Variants in UNC45A observed in about 807,000 individuals in gnomAD.
UNC45A encodes unc-45 myosin chaperone A.
UNC45A carries 78 observed loss-of-function variants against 103.2 expected under a neutral mutation model. The observed-to-expected ratio is 0.76, with a 90% CI of 0.63 to 0.91. The LOEUF (loss-of-function observed/expected upper bound fraction) is 0.91. Among genes scored for constraint, UNC45A ranks in the 40% least tolerant of loss-of-function variants. UNC45A has a pLI of 0.00. For synonymous variants in UNC45A, 495 were observed against 504.6 expected, an observed-to-expected ratio of 0.98 and a Z score of 0.25; for missense variants, 1,193 against 1,224.8, an observed-to-expected ratio of 0.97 and a Z score of 0.39.
Position 90,942,432 on chromosome 15 carries a change from C to T in UNC45A, c.688-5C>T, listed in dbSNP as rs2036339314. 2 of 1,604,824 alleles carry T rather than the reference C, an allele frequency of 1.2e-6. No individual in the cohort carries two copies. Among genetic ancestry groups the T allele is most frequent in the Non-Finnish European group, 1.7e-6 (2 of 1,174,372 alleles). The stretch of plus-strand genomic sequence containing the variant: ...GCTTCCTTCTGTTTACCTCTCCCAC[C>T]CCAGACAGTGGCAACCCTGAGCATA... On this transcript the variant is annotated splice_region_variant and splice_polypyrimidine_tract_variant and intron_variant, in intron 6 of 19. Coordinates refer to ENST00000418476, the MANE Select transcript of UNC45A (RefSeq NM_018671.5).
rs879015711 is a variant in UNC45A, at chr15:90,953,191, C to G, written c.2458C>G (p.Leu820Val). Residue 820 changes from leucine (L) to valine (V), a missense_variant, in exon 19 of 20, where the codon CTG becomes GTG. Coordinates refer to ENST00000418476, the MANE Select transcript of UNC45A (RefSeq NM_018671.5). ...DLFEAQGNDRLKLLVLYSGED... is the reference protein window; with the variant it reads ...DLFEAQGNDRVKLLVLYSGED... ...CTTCGAAGCCCAGGGCAATGACCGA[C>G]TGAAGCTGCTGGTGCTGTACAGTGG... 2 of 1,613,910 alleles carry G rather than the reference C, an allele frequency of 1.2e-6. No homozygotes were observed. Among genetic ancestry groups the G allele is most frequent in the South Asian group, 2.2e-5 (2 of 91,054 alleles).
chr15:90,932,063 C>G, upstream of UNC45A: 1 of 1,612,574 alleles, frequency 6.2e-7, no homozygotes. Flanking sequence ...ACCTGTAACA[C>G]CACAATGTCA....
rs1160165327 is a variant in UNC45A at position 90,946,733 on chromosome 15, A to C, written c.1319A>C (p.Glu440Ala). Reference sequence around the variant, plus strand: ...GCCTTGGAGCTGAGCGGTGTCATGGAGAGTGTGATTGCTCTGTGTGCCTCT... The same window carrying C: ...GCCTTGGAGCTGAGCGGTGTCATGGCGAGTGTGATTGCTCTGTGTGCCTCT... ...NRALELSGVM[E>A]SVIALCASEQ... Residue 440 changes from glutamate to alanine, a missense_variant, in exon 10 of 20, where the codon GAG (glutamate) becomes GCG (alanine). Glu to Ala is a moderately radical substitution (Grantham distance 107, BLOSUM62 -1). Coordinates refer to ENST00000418476, the MANE Select transcript of UNC45A (RefSeq NM_018671.5). The C allele has an allele frequency of 6.2e-7, 1 of 1,613,714 alleles. No homozygotes were observed. The highest frequency in any genetic ancestry group is 8.5e-7 in the Non-Finnish European group (1 of 1,180,016).
chr15:90,953,513 C>A lies in UNC45A; in HGVS notation c.2632C>A (p.Leu878Met). 1 of 1,614,138 alleles carries A rather than the reference C, an allele frequency of 6.2e-7. No homozygotes were observed. The highest frequency in any genetic ancestry group is 1.7e-4 in the Middle Eastern group (1 of 6,056). ...CCTGCTTCTGAGCTCCAACCAGGAG[C>A]TGCAGCACCGGGGTGCTGTGGTGGT... is the stretch of plus-strand genomic sequence containing the variant. ...QALLLSSNQE[L>M]QHRGAVVVLN... Residue 878 changes from leucine (L) to methionine (M), a missense_variant, in exon 20 of 20, where the codon CTG becomes ATG. Leu to Met is a conservative substitution (Grantham distance 15). Coordinates refer to ENST00000418476, the MANE Select transcript of UNC45A (RefSeq NM_018671.5).
chr15:90,935,504 C>G, intron 1 of UNC45A, 40 bp from the exon 2 acceptor site: 1 of 1,576,678 alleles, frequency 6.3e-7, no homozygotes, highest in Non-Finnish European at 8.6e-7. Context: ...GGCTCTGCCC[C>G]GAACCCCCTC....
chr15:90,932,421 G>T, upstream of UNC45A: 1 of 1,339,392 alleles, frequency 7.5e-7, no homozygotes. Context: ...CGCGGCCGAC[G>T]CGCCCACCGA....
intron 4 of UNC45A, 69 bp downstream of exon 4, chr15:90,936,529 C>T (rs1271392317): frequency 6.5e-6 from 10 of 1,531,054 alleles, no homozygotes; most frequent in Middle Eastern, 1.8e-4. Context: ...GGGGTGTAGA[C>T]ACAGTTCTCC....
At chr15:90,950,723 G>A (rs2036860130) in intron 17 of UNC45A, 108 bp downstream of exon 17, 1 of 1,117,424 alleles carries the variant, frequency 8.9e-7, no homozygotes, top group South Asian at 1.4e-5. Context: ...GCTTCTGTGA[G>A]CCTCACAGTG....
At chr15:90,932,503 T>C, upstream of UNC45A, 2 of 1,306,480 alleles carry the variant, frequency 1.5e-6, no homozygotes, top group Non-Finnish European at 1.9e-6. Flanking sequence ...AGCCGCGAAG[T>C]CGGCAGCCTC....
upstream of UNC45A, chr15:90,932,660 GC>G: frequency 1.9e-6 from 1 of 534,942 alleles, no homozygotes; most frequent in Non-Finnish European, 2.9e-6. Context: ...AGTTGGGCCT[GC>G]CCCAGATGAA....
intron 4 of UNC45A, among the ~76,000 whole-genome samples, chr15:90,938,268 A>G (rs1254530361): frequency 6.6e-6 from 1 of 152,154 alleles, no homozygotes; most frequent in African/African-American, 2.4e-5. Flanking sequence ...TAAAATACGT[A>G]TATTTTTAAA....
At chr15:90,949,216 G>A in intron 13 of UNC45A, 100 bp from the exon 14 acceptor site, 1 of 1,487,138 alleles carries the variant, frequency 6.7e-7, no homozygotes, top group Non-Finnish European at 9.0e-7. Context: ...CTTTTGTCTG[G>A]CTGTTTTATT....
At chr15:90,947,661 G>A (rs762535457) in intron 10 of UNC45A, 135 bp from the exon 11 acceptor site, 10 of 642,606 alleles carry the variant, frequency 1.6e-5, no homozygotes, top group Non-Finnish European at 2.8e-5. Context: ...TCTGGAGGGA[G>A]AGGGTGCTGA....
chr15:90,947,284 G>A lies in UNC45A; in HGVS notation c.1500+370G>A, dbSNP rs77445876. The A allele has an allele frequency of 6.8e-3, 1,916 of 282,032 alleles. 41 individuals are homozygous for A. The highest frequency in any genetic ancestry group is 0.035 in the African/African-American group (1,659 of 46,844). 17.5% of individuals were successfully genotyped at this position (282,032 alleles called of 1,614,324 possible). A position where few individuals can be genotyped will look rare whatever the true frequency, so the allele number is the denominator to read the frequency against. Reference sequence around the variant, plus strand: ...TGGGGCTTAAGACTGGGCCTGCAGGGGTCATGCAGTGTTCCTGGGAGCTGG... The same window carrying A: ...TGGGGCTTAAGACTGGGCCTGCAGGAGTCATGCAGTGTTCCTGGGAGCTGG... On this transcript the variant is annotated intron_variant, in intron 10 of 19. Transcript: ENST00000418476.
intron 9 of UNC45A, among the ~76,000 whole-genome samples, chr15:90,945,530 T>A (rs1424891080): frequency 6.6e-6 from 1 of 152,032 alleles, no homozygotes. Context: ...CCCAGCTAAT[T>A]TTGTATTTTT....
At chr15:90,947,677 C>A in intron 10 of UNC45A, 119 bp from the exon 11 acceptor site, 1 of 686,962 alleles carries the variant, frequency 1.5e-6, no homozygotes, top group Non-Finnish European at 2.6e-6. Context: ...GCTGATTTGT[C>A]TGTGTAGCTT....
intron 3 of UNC45A, 94 bp downstream of exon 3, chr15:90,936,076 G>GC (rs929189180): frequency 2.5e-6 from 4 of 1,578,310 alleles, no homozygotes; most frequent in Non-Finnish European, 3.4e-6. Context: ...TCCTCCTTTG[G>GC]CCCCAGAGAC....
In UNC45A at chr15:90,935,314, A is replaced by T; in HGVS notation, c.-11A>T. 1 of 1,599,116 alleles carries T rather than the reference A, an allele frequency of 6.3e-7. No homozygotes were observed. Among genetic ancestry groups the T allele is most frequent in the South Asian group, 1.1e-5 (1 of 90,008 alleles). ...ACTGCGCCTGCGCGGGCACGAGACAACCTCTCCGCGATGACTGTGAGTGGT... is the reference window on the plus strand; with the variant it reads ...ACTGCGCCTGCGCGGGCACGAGACATCCTCTCCGCGATGACTGTGAGTGGT... On this transcript the variant is annotated 5_prime_UTR_variant, in exon 1 of 20. Transcript: ENST00000418476.
rs1464776649 is a variant in UNC45A, at chr15:90,946,599, C to T, written c.1200-15C>T. ...GTTGGCCTTGGTGTGACGGCTGTCA[C>T]CCTGTGCCCCTCAGGAGCTGGTTTG... On this transcript the variant is annotated splice_polypyrimidine_tract_variant and intron_variant, in intron 9 of 19. Transcript: ENST00000418476. 6.3e-7 allele frequency: 1 copy of T among 1,589,094 alleles called. No homozygotes were observed. The highest frequency in any genetic ancestry group is 1.7e-5 in the Admixed American group (1 of 58,640).
Sources: gnomAD v4.1 joint callset for allele counts (sites outside exome capture counted in the v4.1 genomes callset) on GRCh38, gnomAD v4.1.1 for gene constraint, MANE v1.5 for transcripts, NCBI Gene and HGNC (gene_info 2026-07-23, HGNC 2026-07-21) for gene names.